Variants in LHX4 observed in about 807,000 individuals in gnomAD.
LHX4 encodes LIM/homeobox protein Lhx4.
Under a neutral mutation model 39.2 loss-of-function variants are expected in LHX4, and 16 were observed. The ratio of observed to expected loss-of-function variants is 0.41; its 90% CI spans 0.28 to 0.62. LHX4 has a LOEUF of 0.62. Ranked by LOEUF, LHX4 falls within the 20% of genes least tolerant of loss-of-function variation. The pLI, the probability that LHX4 is intolerant of heterozygous loss-of-function variation, is 0.33. For missense variants in LHX4, 439 were observed against 511.9 expected (o/e 0.86, Z 1.37); for synonymous variants, 206 against 198.1 (o/e 1.04, Z -0.33).
chr1:180,250,896 C>T (rs1647603196), intron 2 of LHX4, among the ~76,000 whole-genome samples: 1 of 152,190 alleles, frequency 6.6e-6, no homozygotes, highest in Admixed American at 6.5e-5. Flanking sequence ...CCCCACAGGC[C>T]TATGAGCCAA....
chr1:180,271,232 C>T (rs1343108334), intron 3 of LHX4, 148 bp from the exon 4 acceptor site: 1 of 845,124 alleles, frequency 1.2e-6, no homozygotes, highest in Non-Finnish European at 2.0e-6. Context: ...AGAGTGGGGA[C>T]CTCTCCACTC....
chr1:180,257,498 G>A (rs959936080), intron 2 of LHX4, among the ~76,000 whole-genome samples: 1 of 152,202 alleles, frequency 6.6e-6, no homozygotes, highest in Non-Finnish European at 1.5e-5. Context: ...ACCCCCGTCT[G>A]TGTCTGGAGA....
At chr1:180,235,436 C>A (rs1219112929) in intron 1 of LHX4, among the ~76,000 whole-genome samples, 3 of 152,260 alleles carry the variant, frequency 2.0e-5, no homozygotes, top group African/African-American at 4.8e-5. Flanking sequence ...CCTCTCCAGA[C>A]CCATTTCGTT....
At chr1:180,245,592 G>C (rs547354383) in intron 1 of LHX4, among the ~76,000 whole-genome samples, 4 of 152,210 alleles carry the variant, frequency 2.6e-5, no homozygotes, top group Non-Finnish European at 4.4e-5. Context: ...ACGAACATGG[G>C]TGCCTAACTT....
Position 180,248,328 on chromosome 1 carries a change from G to T in LHX4, c.120G>T (p.Lys40Asn). The T allele has an allele frequency of 6.2e-7, 1 of 1,614,246 alleles. No homozygotes were observed. Residue 40 changes from lysine to asparagine, a missense_variant, in exon 2 of 6, where the codon AAG becomes AAT. Coordinates refer to ENST00000263726, the MANE Select transcript of LHX4 (RefSeq NM_033343.4). ...GCTGCAACCAGCACATCCTGGACAA[G>T]TTCATCCTGAAGGTCCTGGACAGAC... ...CAGCNQHILD[K>N]FILKVLDRHW...
chr1:180,239,235 GC>G (rs879754322), intron 1 of LHX4, among the ~76,000 whole-genome samples: 13 of 152,132 alleles, frequency 8.5e-5, no homozygotes, highest in Non-Finnish European at 1.5e-4. Flanking sequence ...AAATCAATGA[GC>G]CCCCCACTGA....
At chr1:180,237,062 G>A (rs182812998) in intron 1 of LHX4, among the ~76,000 whole-genome samples, 36 of 152,296 alleles carry the variant, frequency 2.4e-4, no homozygotes, top group Admixed American at 2.1e-3. Flanking sequence ...TTCCATCGCG[G>A]TCTGGTGGCT....
At position 180,278,545 on chromosome 1, in the gene LHX4, T is replaced by A. The variant is rs950788628; in HGVS notation, c.*3966T>A. 6.6e-6 allele frequency: 1 copy of A among 152,074 alleles called. No individual in the cohort carries two copies. The highest frequency in any genetic ancestry group is 2.4e-5 in the African/African-American group (1 of 41,362). The allele number at this position is 152,074 out of a possible 1,614,324, so 9.4% of individuals were successfully genotyped here. On this transcript the variant is annotated 3_prime_UTR_variant, in exon 6 of 6. Transcript: ENST00000263726. ...GCAGGTTTGGGAGGTGCACCAAGCA[T>A]TCCTTTGCTTAGGGAGGCAGAGCAC...
chr1:180,271,105 T>C, intron 3 of LHX4: 1 of 524,568 alleles, frequency 1.9e-6, no homozygotes, highest in South Asian at 2.0e-5. Context: ...CTGATGAGAC[T>C]TCTGTGCAGC....
At chr1:180,258,791 G>A (rs1393951617) in intron 2 of LHX4, among the ~76,000 whole-genome samples, 2 of 151,888 alleles carry the variant, frequency 1.3e-5, no homozygotes, top group Admixed American at 6.6e-5. Context: ...GCAACAGAGC[G>A]AGACCCTGTC....
rs1399008923 is a variant in LHX4 at position 180,234,346 on chromosome 1, C to T, written c.76+3741C>T. Reference sequence around the variant, plus strand: ...AGACAATTTTTACAGATGAGGTCAGCTGTCCCCGCCGGCCGATTCGGGCCT... The same window carrying T: ...AGACAATTTTTACAGATGAGGTCAGTTGTCCCCGCCGGCCGATTCGGGCCT... On this transcript the variant is annotated intron_variant, in intron 1 of 5. Coordinates refer to ENST00000263726, the MANE Select transcript of LHX4 (RefSeq NM_033343.4). The surrounding 1 kb of genome is among the most constrained non-coding windows in gnomAD (Gnocchi z 4.8). 6.6e-6 allele frequency among the ~76,000 whole-genome samples: 1 copy of T among 152,016 alleles called. No individual in the cohort carries two copies. Among genetic ancestry groups the T allele is most frequent in the East Asian group, 1.9e-4 (1 of 5,156 alleles).
rs529774115 is a variant in LHX4 at position 180,255,293 on chromosome 1, C to T, written c.248+6837C>T. On this transcript the variant is annotated intron_variant, in intron 2 of 5. Transcript: ENST00000263726. The stretch of plus-strand genomic sequence containing the variant: ...CCACTTATTATTTCTGATAACCACA[C>T]ACCTGCCAGGCCATGCAGGCATGAT... Among the ~76,000 whole-genome samples the T allele has an allele frequency of 5.9e-5, 9 of 152,400 alleles. 1 individual carries two copies. In the East Asian group the frequency reaches 1.5e-3, roughly 26 times the overall value.
chr1:180,236,468 C>T (rs1278810344), intron 1 of LHX4, among the ~76,000 whole-genome samples: 1 of 152,190 alleles, frequency 6.6e-6, no homozygotes, highest in Non-Finnish European at 1.5e-5. Flanking sequence ...GACCCCAGTG[C>T]TGGGAGGAGA....
chr1:180,260,184 G>A (rs1473927994), intron 2 of LHX4, among the ~76,000 whole-genome samples: 1 of 151,694 alleles, frequency 6.6e-6, no homozygotes, highest in Non-Finnish European at 1.5e-5. Flanking sequence ...GAGATCACAT[G>A]TGCAGGGCCC....
chr1:180,230,718 G>A lies in LHX4; in HGVS notation c.76+113G>A. The A allele has an allele frequency of 2.0e-6, 2 of 997,788 alleles. No individual in the cohort carries two copies. The highest frequency in any genetic ancestry group is 4.0e-5 in the Admixed American group (2 of 50,498). 61.8% of individuals were successfully genotyped at this position (997,788 alleles called of 1,614,324 possible). A position where few individuals can be genotyped will look rare whatever the true frequency, so the allele number is the denominator to read the frequency against. On this transcript the variant is annotated intron_variant, in intron 1 of 5. Transcript: ENST00000263726. The surrounding 1 kb of genome is among the most constrained non-coding windows in gnomAD (Gnocchi z 5.8). ...GGGCCGGGAGGGGCTGGCGGCCGGG[G>A]CGCAGAGGCGGTCACAGGGCAGGGG...
intron 2 of LHX4, among the ~76,000 whole-genome samples, chr1:180,255,256 A>G (rs1647797384): frequency 6.6e-6 from 1 of 152,228 alleles, no homozygotes; most frequent in Non-Finnish European, 1.5e-5. Context: ...GTGGAGTCAG[A>G]CTTTTGCTGA....
At chr1:180,237,291 C>T (rs1664346812) in intron 1 of LHX4, among the ~76,000 whole-genome samples, 1 of 152,096 alleles carries the variant, frequency 6.6e-6, no homozygotes, top group African/African-American at 2.4e-5. Flanking sequence ...TCTAGGCGCC[C>T]TGGGAGGGAA....
At position 180,267,583 on chromosome 1, in the gene LHX4, A is replaced by C. The variant is rs1571284810; in HGVS notation, c.451+989A>C. Reference sequence around the variant, plus strand: ...TGGCTCTGAATTTGGGATTTGGCCAAACCCAACATGATAACCTCAGAGGTG... The same window carrying C: ...TGGCTCTGAATTTGGGATTTGGCCACACCCAACATGATAACCTCAGAGGTG... On this transcript the variant is annotated intron_variant, in intron 3 of 5. Transcript: ENST00000263726. 3.9e-5 allele frequency among the ~76,000 whole-genome samples: 6 copies of C among 152,224 alleles called. No homozygotes were observed. The South Asian group carries it at 1.2e-3, about 32-fold the overall frequency.
chr1:180,249,934 GGTGA>G (rs1413210820), intron 2 of LHX4, among the ~76,000 whole-genome samples: 3 of 151,518 alleles, frequency 2.0e-5, no homozygotes, highest in Non-Finnish European at 2.9e-5. Context: ...AGTGTGTGTG[GGTGA>G]GTGTTGTGTG....
Sources: gnomAD v4.1 joint callset for allele counts (sites outside exome capture counted in the v4.1 genomes callset) on GRCh38, gnomAD v4.1.1 for gene constraint, Gnocchi (gnomAD v3.1) non-coding constraint, MANE v1.5 for transcripts, NCBI Gene and HGNC (gene_info 2026-07-23, HGNC 2026-07-21) for gene names.